The following PIP4K2A variants were observed in gnomAD, a reference collection of about 807,000 sequenced individuals.
PIP4K2A encodes the protein phosphatidylinositol-5-phosphate 4-kinase type 2 alpha.
A neutral mutation model predicts 42.9 loss-of-function variants in PIP4K2A; 14 were observed. The ratio of observed to expected loss-of-function variants is 0.33; its 90% CI spans 0.22 to 0.51. The LOEUF (loss-of-function observed/expected upper bound fraction) is 0.51. Ranked by LOEUF, PIP4K2A falls within the 20% of genes least tolerant of loss-of-function variation. PIP4K2A has a pLI of 0.97. For missense variants in PIP4K2A, 434 were observed against 519.8 expected (o/e 0.83, Z 1.61); for synonymous variants, 192 against 192.2 (o/e 1.00, Z 0.01).
intron 1 of PIP4K2A, among the ~76,000 whole-genome samples, chr10:22,662,744 C>T (rs1181361078): frequency 2.0e-5 from 3 of 152,122 alleles, no homozygotes; most frequent in African/African-American, 7.2e-5. Flanking sequence ...TCTAGAGACA[C>T]CACAGGGGCA....
intron 1 of PIP4K2A, among the ~76,000 whole-genome samples, chr10:22,681,198 A>G (rs2130878659): frequency 6.6e-6 from 1 of 152,342 alleles, no homozygotes; most frequent in East Asian, 1.9e-4. Flanking sequence ...ACTCTTTTAA[A>G]GATTCCCAGG....
At chr10:22,671,054 GAC>G (rs751346083) in intron 1 of PIP4K2A, among the ~76,000 whole-genome samples, 5 of 152,134 alleles carry the variant, frequency 3.3e-5, no homozygotes, top group Non-Finnish European at 7.3e-5. Flanking sequence ...GTACCCAAGA[GAC>G]ACTGTGGTAA....
At chr10:22,713,637 C>G (rs1157199337) in intron 1 of PIP4K2A, among the ~76,000 whole-genome samples, 4 of 152,234 alleles carry the variant, frequency 2.6e-5, no homozygotes, top group Non-Finnish European at 5.9e-5. Flanking sequence ...GACCTAAGCA[C>G]TAAAGCTGCT....
At chr10:22,641,379 G>C (rs1262815580) in intron 1 of PIP4K2A, among the ~76,000 whole-genome samples, 1 of 152,160 alleles carries the variant, frequency 6.6e-6, no homozygotes, top group African/African-American at 2.4e-5. Context: ...ATTGACATAA[G>C]AGTGAATTTT....
chr10:22,574,395 A>G (rs1440189216), intron 4 of PIP4K2A, among the ~76,000 whole-genome samples: 1 of 151,058 alleles, frequency 6.6e-6, no homozygotes, highest in Admixed American at 6.6e-5. Flanking sequence ...ATGCAATTGG[A>G]GGGAATTCTG....
intron 4 of PIP4K2A, among the ~76,000 whole-genome samples, chr10:22,591,067 C>T (rs1284657250): frequency 6.6e-6 from 1 of 152,226 alleles, no homozygotes; most frequent in Admixed American, 6.5e-5. Context: ...AGACAGATTG[C>T]TGCTCCCAAG....
intron 1 of PIP4K2A, among the ~76,000 whole-genome samples, chr10:22,640,466 A>AG (rs1312757470): frequency 5.9e-5 from 9 of 152,192 alleles, no homozygotes; most frequent in Admixed American, 3.3e-4. Flanking sequence ...TGAAGCATGA[A>AG]GGGGTCTAAG....
At chr10:22,587,758 G>C (rs1010870650) in intron 4 of PIP4K2A, among the ~76,000 whole-genome samples, 1 of 152,188 alleles carries the variant, frequency 6.6e-6, no homozygotes, top group Non-Finnish European at 1.5e-5. Flanking sequence ...GCCAGAATGG[G>C]AGAGGGCTAG....
rs1021244986 is a variant in PIP4K2A at position 22,536,620 on chromosome 10, G to A, written c.*581C>T. ...CGTGCGGGGTAGAAATGGAACATTC[G>A]CTGTAGGTTTTTTCCTTGGAATCAT... On this transcript the variant is annotated 3_prime_UTR_variant, in exon 10 of 10. Transcript: ENST00000376573. The A allele has an allele frequency of 7.5e-5, 11 of 145,726 alleles. No homozygotes were observed. Among genetic ancestry groups the A allele is most frequent in the Non-Finnish European group, 1.6e-4 (11 of 68,116 alleles). The allele number at this position is 145,726 out of a possible 1,614,324, so 9.0% of individuals were successfully genotyped here. A position where few individuals can be genotyped will look rare whatever the true frequency, so the allele number is the denominator to read the frequency against.
At chr10:22,542,421 C>G (rs1458247707) in intron 7 of PIP4K2A, among the ~76,000 whole-genome samples, 4 of 152,068 alleles carry the variant, frequency 2.6e-5, no homozygotes, top group Non-Finnish European at 5.9e-5. Context: ...ATGGGGAAAC[C>G]CAGGCATCTC....
intron 1 of PIP4K2A, 185 bp downstream of exon 1, chr10:22,713,998 C>A: frequency 1.8e-6 from 1 of 553,074 alleles, no homozygotes; most frequent in South Asian, 2.2e-5. Context: ...AGTGGTGGTG[C>A]CTGGGCGGCC....
chr10:22,690,339 C>G (rs1391586103), intron 1 of PIP4K2A, among the ~76,000 whole-genome samples: 2 of 152,168 alleles, frequency 1.3e-5, no homozygotes, highest in African/African-American at 4.8e-5. Flanking sequence ...GCTCCTAAAT[C>G]TGAACTCAGG....
chr10:22,658,349 C>T (rs560210062), intron 1 of PIP4K2A, among the ~76,000 whole-genome samples: 5 of 152,290 alleles, frequency 3.3e-5, no homozygotes, highest in Admixed American at 1.3e-4. Context: ...AACTGAAATA[C>T]TTTACAAAAT....
intron 1 of PIP4K2A, among the ~76,000 whole-genome samples, chr10:22,620,225 T>C (rs565377381): frequency 2.0e-5 from 3 of 152,356 alleles, no homozygotes; most frequent in East Asian, 3.9e-4. Flanking sequence ...CAAAAGAATG[T>C]AGTCATGTTA....
At chr10:22,708,478 G>C (rs1055785364) in intron 1 of PIP4K2A, among the ~76,000 whole-genome samples, 4 of 152,132 alleles carry the variant, frequency 2.6e-5, no homozygotes, top group African/African-American at 9.7e-5. Context: ...ACATGGTACT[G>C]TAACTGCAGG....
In PIP4K2A at chr10:22,690,554, A is replaced by G. The variant is rs923236843; in HGVS notation, c.144+23629T>C. On this transcript the variant is annotated intron_variant, in intron 1 of 9. Coordinates refer to ENST00000376573, the MANE Select transcript of PIP4K2A (RefSeq NM_005028.5). ...TGGAAGAGAGTAACAAAAACCCAAC[A>G]TATCTCCTCTTTCAAGAGGAGATAT... is the stretch of plus-strand genomic sequence containing the variant. Among the ~76,000 whole-genome samples, 6 of 151,802 alleles carry G rather than the reference A, an allele frequency of 4.0e-5. No individual in the cohort carries two copies. In the South Asian group the frequency reaches 1.0e-3, roughly 26 times the overall value.
chr10:22,685,674 T>C (rs1427882533), intron 1 of PIP4K2A, among the ~76,000 whole-genome samples: 1 of 151,920 alleles, frequency 6.6e-6, no homozygotes, highest in Non-Finnish European at 1.5e-5. Context: ...TAAGCTATGA[T>C]CCCACCACTG....
intron 1 of PIP4K2A, among the ~76,000 whole-genome samples, chr10:22,679,690 G>C (rs762380998): frequency 1.4e-4 from 21 of 152,158 alleles, no homozygotes; most frequent in Non-Finnish European, 2.6e-4. Context: ...TAAACAAAAT[G>C]TGGTCTATCC....
At chr10:22,679,759 A>G (rs1259227133) in intron 1 of PIP4K2A, among the ~76,000 whole-genome samples, 2 of 152,198 alleles carry the variant, frequency 1.3e-5, no homozygotes, top group Non-Finnish European at 2.9e-5. Context: ...TACAAGGTAC[A>G]ATGTGGATGA....
Sources: allele counts gnomAD v4.1 joint callset (sites outside exome capture counted in the v4.1 genomes callset), GRCh38; gene constraint gnomAD v4.1.1; transcripts MANE v1.5; gene names NCBI Gene and HGNC (gene_info 2026-07-23, HGNC 2026-07-21).